Variants in ELAVL4 observed in about 807,000 individuals in gnomAD.
The protein encoded by ELAVL4 is ELAV-like protein 4.
A neutral mutation model predicts 35.6 loss-of-function variants in ELAVL4; 1 was observed. The ratio of observed to expected loss-of-function variants is 0.03; its 90% CI spans 0.01 to 0.13. ELAVL4 has a LOEUF of 0.13. Ranked by LOEUF, ELAVL4 falls within the 10% of genes least tolerant of loss-of-function variation. The pLI, the probability that ELAVL4 is intolerant of heterozygous loss-of-function variation, is 1.00. For missense variants in ELAVL4, 267 were observed against 464.9 expected, an observed-to-expected ratio of 0.57 and a Z score of 3.91; for synonymous variants, 156 against 171.0, an observed-to-expected ratio of 0.91 and a Z score of 0.69.
At chr1:50,108,411 G>T (rs1666541666), upstream of ELAVL4, among the ~76,000 whole-genome samples, 5 of 152,304 alleles carry the variant, frequency 3.3e-5, no homozygotes, top group Admixed American at 3.3e-4. Flanking sequence ...AAGTTAAATT[G>T]TAGATGAATT....
At chr1:50,110,691 C>T (rs1432557994) in intron 1 of ELAVL4, among the ~76,000 whole-genome samples, 1 of 152,100 alleles carries the variant, frequency 6.6e-6, no homozygotes, top group Non-Finnish European at 1.5e-5. Context: ...AAATTCATAA[C>T]CATCTTACTT....
At chr1:50,049,341 G>A (rs1663235796) in intron 1 of ELAVL4, among the ~76,000 whole-genome samples, 1 of 152,140 alleles carries the variant, frequency 6.6e-6, no homozygotes, top group Non-Finnish European at 1.5e-5. Context: ...CACTGAACAA[G>A]CTTTAACCTC....
At chr1:50,048,185 A>G (rs1255538781) in intron 1 of ELAVL4, 2 of 1,521,904 alleles carry the variant, frequency 1.3e-6, no homozygotes, top group Non-Finnish European at 1.8e-6. Flanking sequence ...AGAACCAGGT[A>G]GAAGCGCCTC....
intron 1 of ELAVL4, among the ~76,000 whole-genome samples, chr1:50,139,723 T>TG (rs1672496473): frequency 6.6e-6 from 1 of 152,146 alleles, no homozygotes; most frequent in African/African-American, 2.4e-5. Context: ...GGGTGGCTTT[T>TG]TAGTTTCCAA....
In ELAVL4 at chr1:50,150,703, G is replaced by T. The variant is rs75004838; in HGVS notation, c.250+5506G>T. Among the ~76,000 whole-genome samples the T allele has an allele frequency of 7.7e-3, 1,177 of 152,194 alleles. 12 individuals are homozygous for T. Among genetic ancestry groups the T allele is most frequent in the Middle Eastern group, 0.031 (9 of 294 alleles). The stretch of plus-strand genomic sequence containing the variant: ...CTTATAGGAACACTATGGGAATTTG[G>T]TTGAATTTTACTTCTGAGATAACTA... On this transcript the variant is annotated intron_variant, in intron 2 of 6. Transcript: ENST00000371824.
intron 2 of ELAVL4, among the ~76,000 whole-genome samples, chr1:50,162,269 CA>C (rs1292369757): frequency 6.6e-6 from 1 of 152,114 alleles, no homozygotes; most frequent in Non-Finnish European, 1.5e-5. Flanking sequence ...TTCATTCATC[CA>C]TCCATTCAAC....
intron 1 of ELAVL4, among the ~76,000 whole-genome samples, chr1:50,129,470 C>G (rs370446149): frequency 5.9e-5 from 9 of 152,258 alleles, no homozygotes; most frequent in African/African-American, 1.7e-4. Context: ...CCTAATGACT[C>G]TTATTAACAT....
At chr1:50,093,982 G>T (rs985128388) in intron 1 of ELAVL4, among the ~76,000 whole-genome samples, 1 of 152,162 alleles carries the variant, frequency 6.6e-6, no homozygotes, top group South Asian at 2.1e-4. Flanking sequence ...TAGGATTGTT[G>T]TGAAACTAAG....
At chr1:50,157,807 G>A (rs566575624) in intron 2 of ELAVL4, among the ~76,000 whole-genome samples, 1 of 152,288 alleles carries the variant, frequency 6.6e-6, no homozygotes, top group Admixed American at 6.5e-5. Context: ...TGTTTGGGAA[G>A]CTGGTGTCCA....
At chr1:50,162,225 GT>G (rs1306264590) in intron 2 of ELAVL4, among the ~76,000 whole-genome samples, 4 of 152,126 alleles carry the variant, frequency 2.6e-5, no homozygotes, top group Non-Finnish European at 5.9e-5. Context: ...AATGATAACT[GT>G]TTTTGTTACT....
intron 5 of ELAVL4, 100 bp from the exon 6 acceptor site, chr1:50,197,329 G>C: frequency 7.8e-7 from 1 of 1,289,596 alleles, no homozygotes; most frequent in Non-Finnish European, 1.1e-6. Context: ...AAGTTGTTGA[G>C]CTTTTCTTCT....
At chr1:50,106,394 G>C (rs1441582866), upstream of ELAVL4, 4 of 1,611,710 alleles carry the variant, frequency 2.5e-6, no homozygotes, top group East Asian at 2.2e-5. Context: ...CTCATTTATG[G>C]TAAGAGGAAT....
At chr1:50,200,378 T>C (rs1436901540) in intron 6 of ELAVL4, among the ~76,000 whole-genome samples, 1 of 152,146 alleles carries the variant, frequency 6.6e-6, no homozygotes, top group South Asian at 2.1e-4. Context: ...TAAATATTTA[T>C]TGAGCATTTT....
chr1:50,109,567 G>C (rs1432366117), intron 1 of ELAVL4: 2 of 372,172 alleles, frequency 5.4e-6, no homozygotes, highest in African/African-American at 4.1e-5. Flanking sequence ...CCTGGGTTTT[G>C]TGGGGCTGGG....
At chr1:50,137,955 A>C (rs188780840) in intron 1 of ELAVL4, among the ~76,000 whole-genome samples, 1 of 152,166 alleles carries the variant, frequency 6.6e-6, no homozygotes, top group Non-Finnish European at 1.5e-5. Flanking sequence ...CTCCATGTAC[A>C]TTATCTCACT....
intron 1 of ELAVL4, among the ~76,000 whole-genome samples, chr1:50,048,536 C>G (rs937754358): frequency 6.6e-6 from 1 of 152,206 alleles, no homozygotes; most frequent in African/African-American, 2.4e-5. Context: ...CCGCGCCACT[C>G]CTCTCTGCGC....
chr1:50,170,055 G>A (rs1430127163), intron 2 of ELAVL4, among the ~76,000 whole-genome samples: 1 of 152,130 alleles, frequency 6.6e-6, no homozygotes, highest in Non-Finnish European at 1.5e-5. Flanking sequence ...AATATTATAT[G>A]CTCCAATGTA....
chr1:50,181,984 GC>G (rs1681114566), intron 3 of ELAVL4, among the ~76,000 whole-genome samples: 1 of 152,162 alleles, frequency 6.6e-6, no homozygotes, highest in Non-Finnish European at 1.5e-5. Flanking sequence ...CGCCCGGCTA[GC>G]TTTGTTTTTA....
At chr1:50,056,699 G>A (rs1446276253) in intron 1 of ELAVL4, among the ~76,000 whole-genome samples, 1 of 152,200 alleles carries the variant, frequency 6.6e-6, no homozygotes, top group Non-Finnish European at 1.5e-5. Flanking sequence ...CACATTGGGA[G>A]GCCAAGTCAG....
Sources: gnomAD v4.1 joint callset for allele counts (sites outside exome capture counted in the v4.1 genomes callset) on GRCh38, gnomAD v4.1.1 for gene constraint, MANE v1.5 for transcripts, NCBI Gene and HGNC (gene_info 2026-07-23, HGNC 2026-07-21) for gene names.